Variants in AQR observed in about 807,000 individuals in gnomAD.
AQR encodes aquarius intron-binding spliceosomal factor.
In AQR, 61 loss-of-function variants were observed where a neutral mutation model predicts 180.5. The observed-to-expected ratio is 0.34, with a 90% CI of 0.28 to 0.42. AQR has a LOEUF of 0.42. AQR is among the 10% of genes least tolerant of loss of function. The pLI is 1.00. For missense variants in AQR, 1,281 were observed against 1,798.3 expected (o/e 0.71, Z 5.20); for synonymous variants, 551 against 588.8 (o/e 0.94, Z 0.93).
rs112125236 is a variant in AQR, at chr15:34,885,009, C to T, written c.2818-275G>A. ...ACATCATCTCATAGAACTCTAACTC[C>T]GACAGTTCAGATTCTCCACGTAACT... On this transcript the variant is annotated intron_variant, in intron 25 of 34. Coordinates refer to ENST00000156471, the MANE Select transcript of AQR (RefSeq NM_014691.3). 8.8e-3 allele frequency among the ~76,000 whole-genome samples: 1,327 copies of T among 151,562 alleles called. 21 individuals are homozygous for T. Among genetic ancestry groups the T allele is most frequent in the African/African-American group, 0.031 (1,252 of 40,892 alleles).
chr15:34,960,889 G>T, intron 2 of AQR, 75 bp from the exon 3 acceptor site: 1 of 523,750 alleles, frequency 1.9e-6, no homozygotes, highest in South Asian at 2.2e-5. Flanking sequence ...TTTAATGAGT[G>T]AGATTATATA....
At chr15:34,900,935 AGC>A in intron 19 of AQR, 72 bp from the exon 20 acceptor site, 1 of 1,505,960 alleles carries the variant, frequency 6.6e-7, no homozygotes, top group Non-Finnish European at 8.9e-7. Flanking sequence ...TGGAATGCAG[AGC>A]TGGCTGCACT....
intron 10 of AQR, among the ~76,000 whole-genome samples, chr15:34,933,726 G>T (rs191650613): frequency 6.6e-6 from 1 of 152,174 alleles, no homozygotes; most frequent in Non-Finnish European, 1.5e-5. Context: ...TCAGTCATTT[G>T]AAAACCTGAA....
chr15:34,960,199 G>A (rs2050266159), intron 3 of AQR, among the ~76,000 whole-genome samples: 1 of 152,138 alleles, frequency 6.6e-6, no homozygotes, highest in Non-Finnish European at 1.5e-5. Flanking sequence ...TTTAAAAGAA[G>A]CATGATGAAA....
At chr15:34,863,911 T>G (rs924535377) in intron 32 of AQR, among the ~76,000 whole-genome samples, 1 of 152,132 alleles carries the variant, frequency 6.6e-6, no homozygotes, top group African/African-American at 2.4e-5. Context: ...ACCTGAGATG[T>G]TTTTAGATGG....
At chr15:34,878,111 G>A (rs994707310) in intron 27 of AQR, among the ~76,000 whole-genome samples, 5 of 152,108 alleles carry the variant, frequency 3.3e-5, no homozygotes, top group Non-Finnish European at 5.9e-5. Flanking sequence ...ATCTTGTGGT[G>A]CAGTGGCTCA....
intron 24 of AQR, among the ~76,000 whole-genome samples, chr15:34,887,598 T>A (rs1432453609): frequency 6.6e-6 from 1 of 152,116 alleles, no homozygotes; most frequent in Non-Finnish European, 1.5e-5. Flanking sequence ...CAGAATTAGA[T>A]CCCAAATTCT....
intron 3 of AQR, among the ~76,000 whole-genome samples, chr15:34,956,882 A>C (rs1440303432): frequency 6.6e-6 from 1 of 152,194 alleles, no homozygotes; most frequent in Non-Finnish European, 1.5e-5. Context: ...CTTAGAGCAG[A>C]ATGCAAGGTG....
chr15:34,942,831 T>C (rs369452578), intron 6 of AQR, among the ~76,000 whole-genome samples: 43 of 152,334 alleles, frequency 2.8e-4, no homozygotes, highest in African/African-American at 6.3e-4. Flanking sequence ...TCAATGTTCA[T>C]AGCTACTTTA....
chr15:34,958,190 G>GAGC (rs1894355284), intron 3 of AQR, among the ~76,000 whole-genome samples: 1 of 152,002 alleles, frequency 6.6e-6, no homozygotes, highest in South Asian at 2.1e-4. Context: ...CCTGGCGACA[G>GAGC]AGCAAGACTC....
At chr15:34,871,729 T>G (rs1422726613) in intron 30 of AQR, among the ~76,000 whole-genome samples, 1 of 152,096 alleles carries the variant, frequency 6.6e-6, no homozygotes, top group Non-Finnish European at 1.5e-5. Context: ...CTCTGCGTAA[T>G]GGTTGTCACT....
chr15:34,913,342 T>C (rs983496016), intron 16 of AQR, among the ~76,000 whole-genome samples: 7 of 152,184 alleles, frequency 4.6e-5, no homozygotes, highest in African/African-American at 1.7e-4. Context: ...TTCAGCACCC[T>C]GAAAACATAA....
At chr15:34,918,977 G>A (rs1893640877) in intron 14 of AQR, among the ~76,000 whole-genome samples, 1 of 152,138 alleles carries the variant, frequency 6.6e-6, no homozygotes, top group Non-Finnish European at 1.5e-5. Context: ...AGTGGCTCAT[G>A]CCTTTAATCC....
At chr15:34,874,020 C>T in intron 29 of AQR, 21 bp from the exon 30 acceptor site, 1 of 1,573,932 alleles carries the variant, frequency 6.4e-7, no homozygotes, top group South Asian at 1.2e-5. Flanking sequence ...ACAAATTCCC[C>T]CACAAACAGA....
At chr15:34,932,731 G>C (rs1285805669) in intron 10 of AQR, among the ~76,000 whole-genome samples, 2 of 152,180 alleles carry the variant, frequency 1.3e-5, no homozygotes, top group Non-Finnish European at 2.9e-5. Context: ...GTGGCGGGTG[G>C]ATCACCTGAG....
chr15:34,910,052 T>C (rs1361974530), intron 17 of AQR, 83 bp downstream of exon 17: 1 of 1,467,266 alleles, frequency 6.8e-7, no homozygotes, highest in African/African-American at 1.4e-5. Context: ...GGATAACATT[T>C]AGTAAAAGTA....
intron 9 of AQR, among the ~76,000 whole-genome samples, chr15:34,935,238 A>G (rs1348203931): frequency 6.6e-6 from 1 of 152,200 alleles, no homozygotes; most frequent in Admixed American, 6.5e-5. Flanking sequence ...TGAGCATAGT[A>G]TACTATTTTT....
intron 19 of AQR, among the ~76,000 whole-genome samples, chr15:34,902,995 G>C (rs1893355300): frequency 6.6e-6 from 1 of 152,034 alleles, no homozygotes. Flanking sequence ...GAAAAATAAA[G>C]GTAATAGGGT....
At chr15:34,956,696 G>GAAA (rs565202160) in intron 3 of AQR, among the ~76,000 whole-genome samples, 11,116 of 83,332 alleles carry the variant, frequency 0.13, 994 homozygotes, top group South Asian at 0.22. Context: ...TAAGAAGTCA[G>GAAA]AAAAAAAAAA....
Sources: allele counts gnomAD v4.1 joint callset (sites outside exome capture counted in the v4.1 genomes callset), GRCh38; gene constraint gnomAD v4.1.1; transcripts MANE v1.5; gene names NCBI Gene and HGNC (gene_info 2026-07-23, HGNC 2026-07-21).